Variants in DTNA observed in about 807,000 individuals in gnomAD.
The protein encoded by DTNA is dystrobrevin alpha.
Under a neutral mutation model 100.7 loss-of-function variants are expected in DTNA, and 43 were observed. The observed-to-expected ratio is 0.43, with a 90% CI of 0.33 to 0.55. DTNA has a LOEUF of 0.55. Ranked by LOEUF, DTNA falls within the 20% of genes least tolerant of loss-of-function variation. The pLI, the probability that DTNA is intolerant of heterozygous loss-of-function variation, is 0.04. For synonymous variants in DTNA, 349 were observed against 347.9 expected, an observed-to-expected ratio of 1.00 and a Z score of -0.04; for missense variants, 798 against 953.9, an observed-to-expected ratio of 0.84 and a Z score of 2.15.
chr18:34,754,550 C>T (rs2092638907), intron 1 of DTNA, among the ~76,000 whole-genome samples: 1 of 152,120 alleles, frequency 6.6e-6, no homozygotes, highest in African/African-American at 2.4e-5. Flanking sequence ...CTGGCTTGAT[C>T]ACTGTGGGGC....
chr18:34,684,616 A>G (rs991373610), intron 1 of DTNA, among the ~76,000 whole-genome samples: 3 of 152,158 alleles, frequency 2.0e-5, no homozygotes, highest in Non-Finnish European at 2.9e-5. Flanking sequence ...ATACATGTGC[A>G]TGTGTCTTTA....
chr18:34,525,273 C>G (rs187073601), intron 1 of DTNA, among the ~76,000 whole-genome samples: 3 of 152,198 alleles, frequency 2.0e-5, no homozygotes, highest in Admixed American at 1.3e-4. Context: ...TGCTTCTGGC[C>G]TCCAAAATCA....
chr18:34,691,713 G>A (rs2079790978), intron 1 of DTNA, among the ~76,000 whole-genome samples: 7 of 152,132 alleles, frequency 4.6e-5, no homozygotes, highest in Admixed American at 3.9e-4. Flanking sequence ...CCTAAGCCAT[G>A]CTCTTTGTTC....
chr18:34,727,575 TC>T (rs1206668109), intron 1 of DTNA, among the ~76,000 whole-genome samples: 1 of 152,174 alleles, frequency 6.6e-6, no homozygotes, highest in African/African-American at 2.4e-5. Flanking sequence ...CCTTTTTTTT[TC>T]TTTGAGAGAG....
chr18:34,671,130 AC>A (rs1051943343), intron 1 of DTNA, among the ~76,000 whole-genome samples: 8 of 151,838 alleles, frequency 5.3e-5, no homozygotes, highest in African/African-American at 1.9e-4. Flanking sequence ...AATGGCGGGC[AC>A]CCCTCCCCCA....
chr18:34,493,937 C>G (rs888080506), intron 1 of DTNA: 2 of 147,540 alleles, frequency 1.4e-5, no homozygotes, highest in South Asian at 4.2e-4. Flanking sequence ...GGCGCCTCCC[C>G]GGGCGGCGGG....
intron 1 of DTNA, among the ~76,000 whole-genome samples, chr18:34,536,729 C>T (rs572843933): frequency 5.9e-5 from 9 of 151,944 alleles, no homozygotes; most frequent in Admixed American, 2.0e-4. Flanking sequence ...TTAAGTTGCA[C>T]ATGAGAAATA....
At chr18:34,605,655 A>G (rs1378599918) in intron 1 of DTNA, among the ~76,000 whole-genome samples, 1 of 151,924 alleles carries the variant, frequency 6.6e-6, no homozygotes, top group African/African-American at 2.4e-5. Flanking sequence ...ACACACACAC[A>G]CACACACACA....
At chr18:34,727,043 G>A (rs555110292) in intron 1 of DTNA, among the ~76,000 whole-genome samples, 1 of 152,336 alleles carries the variant, frequency 6.6e-6, no homozygotes, top group East Asian at 1.9e-4. Context: ...TCAACACAAC[G>A]TAGAAGCCCC....
intron 1 of DTNA, among the ~76,000 whole-genome samples, chr18:34,615,539 C>T (rs748223880): frequency 2.6e-5 from 4 of 152,190 alleles, no homozygotes; most frequent in Non-Finnish European, 4.4e-5. Flanking sequence ...AGATGATTGT[C>T]GGCATTTTTT....
chr18:34,809,250 G>C (rs1465330922), intron 5 of DTNA, among the ~76,000 whole-genome samples: 1 of 152,164 alleles, frequency 6.6e-6, no homozygotes, highest in East Asian at 1.9e-4. Flanking sequence ...GAGTGGGATT[G>C]TGGGTGTTCC....
intron 9 of DTNA, chr18:34,821,230 TA>T: frequency 2.0e-6 from 1 of 495,332 alleles, no homozygotes. Context: ...ATCACTGTGG[TA>T]AAAAATGATT....
intron 1 of DTNA, among the ~76,000 whole-genome samples, chr18:34,671,855 G>A (rs991561437): frequency 6.6e-6 from 1 of 152,012 alleles, no homozygotes; most frequent in African/African-American, 2.4e-5. Flanking sequence ...AGTGTGCAGT[G>A]GGCTTCTCTA....
chr18:34,689,151 C>T (rs151192571), intron 1 of DTNA, among the ~76,000 whole-genome samples: 2,209 of 152,186 alleles, frequency 0.015, 41 homozygotes, highest in African/African-American at 0.047. Flanking sequence ...TCTGCCAATT[C>T]GTCAAACTCA....
chr18:34,849,351 T>C (rs2096440114), intron 14 of DTNA, among the ~76,000 whole-genome samples: 1 of 152,206 alleles, frequency 6.6e-6, no homozygotes, highest in Non-Finnish European at 1.5e-5. Flanking sequence ...AAACCTCTTT[T>C]CCAAGTTTTC....
At chr18:34,794,426 C>T (rs569315808) in intron 4 of DTNA, among the ~76,000 whole-genome samples, 176 bp downstream of exon 4, 15 of 151,628 alleles carry the variant, frequency 9.9e-5, no homozygotes, top group African/African-American at 3.6e-4. Context: ...AATTTTAAAT[C>T]CTGTGAAAAA....
At chr18:34,789,032 A>G (rs1448425801) in intron 3 of DTNA, among the ~76,000 whole-genome samples, 1 of 152,202 alleles carries the variant, frequency 6.6e-6, no homozygotes, top group Admixed American at 6.5e-5. Context: ...GAATAATACA[A>G]TGTATAAACA....
intron 1 of DTNA, among the ~76,000 whole-genome samples, chr18:34,517,460 C>CGTGT (rs1199695756): frequency 0.15 from 21,600 of 148,858 alleles, 1,976 homozygotes; most frequent in African/African-American, 0.26. Context: ...TTTATATACA[C>CGTGT]GTGTGTGTGT....
At chr18:34,872,073 C>G (rs1447383504) in intron 17 of DTNA, among the ~76,000 whole-genome samples, 1 of 152,208 alleles carries the variant, frequency 6.6e-6, no homozygotes, top group Non-Finnish European at 1.5e-5. Context: ...TCCCTTAACA[C>G]ACAACGAGAG....
Sources: gnomAD v4.1 joint callset for allele counts (sites outside exome capture counted in the v4.1 genomes callset) on GRCh38, gnomAD v4.1.1 for gene constraint, MANE v1.5 for transcripts, NCBI Gene and HGNC (gene_info 2026-07-23, HGNC 2026-07-21) for gene names.